XKR4: variants seen among roughly 807,000 people sequenced by gnomAD.
XKR4 encodes the protein XK-related protein 4.
Under a neutral mutation model 53.9 loss-of-function variants are expected in XKR4, and 12 were observed. That is an observed-to-expected ratio of 0.22 (90% CI 0.14 to 0.36). The LOEUF (loss-of-function observed/expected upper bound fraction) is 0.36, where lower values mean the gene tolerates loss of function less well. XKR4 is among the 10% of genes least tolerant of loss of function. XKR4 has a pLI of 1.00. For missense variants in XKR4, 799 were observed against 859.5 expected, an observed-to-expected ratio of 0.93 and a Z score of 0.88; for synonymous variants, 354 against 362.4, an observed-to-expected ratio of 0.98 and a Z score of 0.26.
At chr8:55,188,250 A>G (rs757384577) in intron 1 of XKR4, among the ~76,000 whole-genome samples, 10 of 152,190 alleles carry the variant, frequency 6.6e-5, no homozygotes, top group Non-Finnish European at 1.3e-4. Flanking sequence ...AGTAATAGTC[A>G]TGTTTATTGT....
chr8:55,372,913 G>C (rs1563334995), intron 2 of XKR4, among the ~76,000 whole-genome samples: 2 of 152,180 alleles, frequency 1.3e-5, no homozygotes, highest in Non-Finnish European at 2.9e-5. Context: ...AACTGTCAGA[G>C]CAGATGCAAG....
intron 2 of XKR4, among the ~76,000 whole-genome samples, chr8:55,360,947 A>G (rs1446157398): frequency 1.3e-5 from 2 of 152,184 alleles, no homozygotes; most frequent in African/African-American, 2.4e-5. Context: ...CTCCATTTGC[A>G]CTGGCCCAAG....
At position 55,133,008 on chromosome 8, in the gene XKR4, C is replaced by T. The variant is rs115792368; in HGVS notation, c.806+29714C>T. Among the ~76,000 whole-genome samples the T allele has an allele frequency of 3.0e-3, 460 of 152,176 alleles. 4 individuals carry two copies. The highest frequency in any genetic ancestry group is 0.011 in the African/African-American group (441 of 41,522). On this transcript the variant is annotated intron_variant, in intron 1 of 2. Coordinates refer to ENST00000327381, the MANE Select transcript of XKR4 (RefSeq NM_052898.2). Reference sequence around the variant, plus strand: ...AGTGGGTGACAAGTGACTATGTGACCAGGTTGGTCCTTGAAAGATGACTGA... The same window carrying T: ...AGTGGGTGACAAGTGACTATGTGACTAGGTTGGTCCTTGAAAGATGACTGA...
At chr8:55,224,885 C>G (rs1817932164) in intron 1 of XKR4, among the ~76,000 whole-genome samples, 1 of 152,080 alleles carries the variant, frequency 6.6e-6, no homozygotes, top group Admixed American at 6.5e-5. Flanking sequence ...ATGGCATTTA[C>G]TGTGCGTGAT....
intron 1 of XKR4, among the ~76,000 whole-genome samples, chr8:55,326,540 G>A (rs887241340): frequency 2.3e-5 from 3 of 132,820 alleles, no homozygotes; most frequent in South Asian, 2.4e-4. Context: ...GCCCAATCTC[G>A]GCTCACTGCA....
At chr8:55,267,590 A>C (rs1215757909) in intron 1 of XKR4, among the ~76,000 whole-genome samples, 2 of 149,920 alleles carry the variant, frequency 1.3e-5, no homozygotes, top group Admixed American at 6.7e-5. Context: ...CAGCATAAGG[A>C]AGAGGTTTCA....
chr8:55,193,150 C>T (rs549265441), intron 1 of XKR4, among the ~76,000 whole-genome samples: 11 of 141,682 alleles, frequency 7.8e-5, no homozygotes, highest in African/African-American at 2.7e-4. Flanking sequence ...TTCCCATTTT[C>T]CCCCCATTAC....
chr8:55,132,988 G>C (rs1816578867), intron 1 of XKR4, among the ~76,000 whole-genome samples: 1 of 152,172 alleles, frequency 6.6e-6, no homozygotes, highest in Non-Finnish European at 1.5e-5. Context: ...GAGCCAGTGG[G>C]TGACAAGTGA....
At chr8:55,308,367 C>T (rs1819337121) in intron 1 of XKR4, among the ~76,000 whole-genome samples, 1 of 152,152 alleles carries the variant, frequency 6.6e-6, no homozygotes, top group Admixed American at 6.5e-5. Context: ...CCTAAGGAAA[C>T]TTACAATCAT....
At position 55,532,372 on chromosome 8, in the gene XKR4, T is replaced by A. The variant is rs1414695376; in HGVS notation, c.*8145T>A. On this transcript the variant is annotated 3_prime_UTR_variant, in exon 3 of 3. Coordinates refer to ENST00000327381, the MANE Select transcript of XKR4 (RefSeq NM_052898.2). ...TATAATATTTGCTAAGCAAAAATCT[T>A]GTTTAACGAAAAAAATCAATACCAA... 2 of 152,198 alleles carry A rather than the reference T, an allele frequency of 1.3e-5. No individual in the cohort carries two copies. Among genetic ancestry groups the A allele is most frequent in the African/African-American group, 4.8e-5 (2 of 41,442 alleles). The allele number at this position is 152,198 out of a possible 1,614,324, so 9.4% of individuals were successfully genotyped here. A position where few individuals can be genotyped will look rare whatever the true frequency, so the allele number is the denominator to read the frequency against.
intron 2 of XKR4, among the ~76,000 whole-genome samples, chr8:55,410,410 A>G (rs1804758582): frequency 1.3e-5 from 2 of 152,186 alleles, no homozygotes; most frequent in African/African-American, 4.8e-5. Flanking sequence ...GGTGACCTGC[A>G]GGAGCCTCAC....
intron 2 of XKR4, among the ~76,000 whole-genome samples, chr8:55,423,100 CTT>C (rs369306739): frequency 1.4e-5 from 2 of 146,856 alleles, no homozygotes. Flanking sequence ...AATCTTGACA[CTT>C]TTTTTTTTTT....
At chr8:55,392,810 A>C (rs1255666122) in intron 2 of XKR4, among the ~76,000 whole-genome samples, 1 of 152,170 alleles carries the variant, frequency 6.6e-6, no homozygotes, top group African/African-American at 2.4e-5. Flanking sequence ...AATAAATATC[A>C]ATGAATAAAC....
At chr8:55,523,257 C>T in intron 2 of XKR4, 24 bp from the exon 3 acceptor site, 3 of 1,553,740 alleles carry the variant, frequency 1.9e-6, no homozygotes, top group Non-Finnish European at 2.6e-6. Flanking sequence ...TTCTGACACA[C>T]TGTCTTCCTG....
intron 2 of XKR4, among the ~76,000 whole-genome samples, chr8:55,470,586 T>C (rs1221703339): frequency 6.6e-6 from 1 of 152,138 alleles, no homozygotes; most frequent in Non-Finnish European, 1.5e-5. Flanking sequence ...AGGTATGTCT[T>C]TATCAGCAGT....
intron 2 of XKR4, among the ~76,000 whole-genome samples, chr8:55,458,102 C>T (rs2939644): frequency 0.4 from 61,300 of 152,004 alleles, 13,101 homozygotes; most frequent in East Asian, 0.53. Context: ...ATTCCAGGAG[C>T]ATTTTTTCAT....
At chr8:55,376,946 A>ACAGACACT (rs1379045972) in intron 2 of XKR4, among the ~76,000 whole-genome samples, 12 of 69,388 alleles carry the variant, frequency 1.7e-4, no homozygotes, top group African/African-American at 1.0e-3. Context: ...ACACACACAA[A>ACAGACACT]CACACACTCA....
chr8:55,354,189 A>G (rs1253457469), intron 1 of XKR4, among the ~76,000 whole-genome samples: 1 of 152,200 alleles, frequency 6.6e-6, no homozygotes, highest in African/African-American at 2.4e-5. Context: ...TGAGAACCAG[A>G]TACTCCCTGA....
At chr8:55,315,725 C>T (rs980818379) in intron 1 of XKR4, among the ~76,000 whole-genome samples, 1 of 152,094 alleles carries the variant, frequency 6.6e-6, no homozygotes, top group African/African-American at 2.4e-5. Context: ...GCCCATGCCT[C>T]GTCAGTCTAG....
Sources: allele counts gnomAD v4.1 joint callset (sites outside exome capture counted in the v4.1 genomes callset), GRCh38; gene constraint gnomAD v4.1.1; transcripts MANE v1.5; gene names NCBI Gene and HGNC (gene_info 2026-07-23, HGNC 2026-07-21).